Variants in DNAH7 observed in about 807,000 individuals in gnomAD.
DNAH7 encodes the protein dynein axonemal heavy chain 7.
Under a neutral mutation model 444.6 loss-of-function variants are expected in DNAH7, and 397 were observed. The ratio of observed to expected loss-of-function variants is 0.89; its 90% CI spans 0.82 to 0.97. DNAH7 has a LOEUF of 0.97. DNAH7 is among the 50% of genes least tolerant of loss of function. DNAH7 has a pLI of 0.00. For synonymous variants in DNAH7, 1,636 were observed against 1,624.4 expected (o/e 1.01, Z -0.17); for missense variants, 4,902 against 4,800.8 (o/e 1.02, Z -0.62).
intron 61 of DNAH7, among the ~76,000 whole-genome samples, chr2:195,759,856 T>C (rs1341380802): frequency 2.0e-5 from 3 of 151,934 alleles, no homozygotes; most frequent in East Asian, 1.9e-4. Flanking sequence ...TTAAAAAAAA[T>C]TGTAGAGATG....
intron 10 of DNAH7, among the ~76,000 whole-genome samples, chr2:196,006,403 A>AT (rs1694377462): frequency 6.6e-6 from 1 of 152,194 alleles, no homozygotes; most frequent in Non-Finnish European, 1.5e-5. Flanking sequence ...GTAATACGCC[A>AT]TATTAATAGA....
chr2:195,877,997 A>G (rs1701156307), intron 36 of DNAH7, among the ~76,000 whole-genome samples: 1 of 152,208 alleles, frequency 6.6e-6, no homozygotes, highest in Non-Finnish European at 1.5e-5. Flanking sequence ...ATGATTGTAT[A>G]GTTATAATGT....
intron 10 of DNAH7, among the ~76,000 whole-genome samples, chr2:196,009,051 C>T (rs1694561398): frequency 6.6e-6 from 1 of 152,120 alleles, no homozygotes; most frequent in African/African-American, 2.4e-5. Context: ...GTGCCATACA[C>T]TTTTAAACAA....
chr2:196,023,328 T>C (rs1161129152), intron 8 of DNAH7, among the ~76,000 whole-genome samples: 1 of 152,162 alleles, frequency 6.6e-6, no homozygotes, highest in Non-Finnish European at 1.5e-5. Context: ...ATACTTCCTA[T>C]AAAACCTGAG....
At chr2:195,895,366 G>A (rs1281804118) in intron 29 of DNAH7, 142 bp from the exon 30 acceptor site, 4 of 527,056 alleles carry the variant, frequency 7.6e-6, no homozygotes, top group African/African-American at 4.0e-5. Flanking sequence ...GTTCACATAC[G>A]CAAACGTGTA....
intron 1 of DNAH7, 97 bp downstream of exon 1, chr2:196,068,600 C>G (rs372471767): frequency 2.7e-6 from 4 of 1,507,020 alleles, no homozygotes; most frequent in African/African-American, 1.4e-5. Flanking sequence ...GGAGTCACAG[C>G]TGGGGAGTTC....
intron 17 of DNAH7, among the ~76,000 whole-genome samples, chr2:195,961,352 AC>A (rs1261927648): frequency 6.6e-6 from 1 of 152,116 alleles, no homozygotes; most frequent in East Asian, 1.9e-4. Flanking sequence ...ATTCCTCCTA[AC>A]TGAAATTTTT....
At chr2:195,987,927 T>C (rs1452489703) in intron 13 of DNAH7, 30 bp downstream of exon 13, 10 of 1,556,274 alleles carry the variant, frequency 6.4e-6, no homozygotes, top group Non-Finnish European at 8.7e-6. Context: ...CAGATAGAGA[T>C]AACAGTTGCA....
intron 40 of DNAH7, among the ~76,000 whole-genome samples, chr2:195,865,277 G>A (rs1700263367): frequency 6.6e-6 from 1 of 152,174 alleles, no homozygotes; most frequent in African/African-American, 2.4e-5. Flanking sequence ...AGCTGAAGCA[G>A]ATGTAGAGAT....
At position 196,030,641 on chromosome 2, in the gene DNAH7, GCCATT is replaced by G. The variant is rs1206820686; in HGVS notation, c.399-2599_399-2595del. 2.6e-5 allele frequency among the ~76,000 whole-genome samples: 4 copies of G among 152,320 alleles called. No individual in the cohort carries two copies. The East Asian group carries it at 7.7e-4, about 29-fold the overall frequency. On this transcript the variant is annotated intron_variant, in intron 5 of 64. Coordinates refer to ENST00000312428, the MANE Select transcript of DNAH7 (RefSeq NM_018897.3). ...GGGGTACAGGTATTGGGTAAATACA[GCCATT>G]CCAGATGGGAGAAATTGGCCAAGAC...
chr2:195,773,103 T>G (rs1694916604), intron 60 of DNAH7, among the ~76,000 whole-genome samples: 1 of 152,186 alleles, frequency 6.6e-6, no homozygotes, highest in Non-Finnish European at 1.5e-5. Context: ...TTAACACTAC[T>G]TACCACATAC....
chr2:195,867,699 T>G (rs865779392), intron 40 of DNAH7, among the ~76,000 whole-genome samples: 2 of 152,226 alleles, frequency 1.3e-5, no homozygotes, highest in Middle Eastern at 3.2e-3. Flanking sequence ...TGACCTTTTG[T>G]GTATGGACTT....
chr2:196,035,365 T>G (rs1696320990), intron 5 of DNAH7, among the ~76,000 whole-genome samples: 1 of 152,240 alleles, frequency 6.6e-6, no homozygotes, highest in African/African-American at 2.4e-5. Flanking sequence ...CAACCATTGT[T>G]GCATCACCTT....
At chr2:195,934,871 AAAT>A in intron 20 of DNAH7, 82 bp from the exon 21 acceptor site, 1 of 1,442,628 alleles carries the variant, frequency 6.9e-7, no homozygotes, top group South Asian at 1.2e-5. Flanking sequence ...TAAAGTTCAT[AAAT>A]GCTAGGTGCT....
At chr2:196,057,746 T>C (rs1180724812) in intron 2 of DNAH7, among the ~76,000 whole-genome samples, 1 of 152,214 alleles carries the variant, frequency 6.6e-6, no homozygotes, top group Non-Finnish European at 1.5e-5. Flanking sequence ...TCAACTTCTG[T>C]AGAAGTTATA....
chr2:195,851,742 C>T (rs572139245), intron 46 of DNAH7, among the ~76,000 whole-genome samples: 1 of 152,268 alleles, frequency 6.6e-6, no homozygotes, highest in South Asian at 2.1e-4. Flanking sequence ...AGTGCTAATA[C>T]ACTTTCTGCT....
intron 31 of DNAH7, 147 bp downstream of exon 31, chr2:195,891,508 A>T (rs1343843866): frequency 4.2e-6 from 3 of 720,148 alleles, no homozygotes; most frequent in East Asian, 6.9e-5. Flanking sequence ...TTCTTCACAG[A>T]AATACTGCCA....
intron 42 of DNAH7, among the ~76,000 whole-genome samples, chr2:195,859,152 C>A (rs1273943531): frequency 1.3e-5 from 2 of 152,170 alleles, no homozygotes; most frequent in African/African-American, 4.8e-5. Flanking sequence ...TTGATCCCAG[C>A]AACACTACTG....
At chr2:195,842,472 G>C (rs980437218) in intron 47 of DNAH7, among the ~76,000 whole-genome samples, 8 of 152,036 alleles carry the variant, frequency 5.3e-5, no homozygotes, top group Non-Finnish European at 1.0e-4. Flanking sequence ...AGAGGGCACT[G>C]CACAGGTAAA....
Sources: allele counts gnomAD v4.1 joint callset (sites outside exome capture counted in the v4.1 genomes callset), GRCh38; gene constraint gnomAD v4.1.1; transcripts MANE v1.5; gene names NCBI Gene and HGNC (gene_info 2026-07-23, HGNC 2026-07-21).